CRACR2A: variants seen among roughly 807,000 people sequenced by gnomAD.
CRACR2A encodes the protein calcium release activated channel regulator 2A, also known as EF-hand calcium-binding domain-containing protein 4B.
A neutral mutation model predicts 90.5 loss-of-function variants in CRACR2A; 79 were observed. The observed-to-expected ratio is 0.87, with a 90% CI of 0.73 to 1.05. The LOEUF is 1.05. Among genes scored for constraint, CRACR2A ranks in the 50% least tolerant of loss-of-function variants. The pLI is 0.00. For missense variants in CRACR2A, 823 were observed against 897.2 expected (o/e 0.92, Z 1.06); for synonymous variants, 338 against 356.7 (o/e 0.95, Z 0.59).
chr12:3,625,622 G>A (rs775003128), intron 17 of CRACR2A, among the ~76,000 whole-genome samples: 4 of 147,316 alleles, frequency 2.7e-5, no homozygotes, highest in Non-Finnish European at 6.0e-5. Flanking sequence ...CATACTAGAT[G>A]GGAGATTTTC....
intron 4 of CRACR2A, among the ~76,000 whole-genome samples, chr12:3,685,397 G>T (rs986321088): frequency 6.6e-6 from 1 of 152,102 alleles, no homozygotes; most frequent in African/African-American, 2.4e-5. Context: ...ACACACCAAA[G>T]AATAAAAAGC....
Position 3,624,539 on chromosome 12 carries a change from T to G in CRACR2A, c.1932+2897A>C, listed in dbSNP as rs1387920575. On this transcript the variant is annotated intron_variant, in intron 17 of 19. Coordinates refer to ENST00000440314, the MANE Select transcript of CRACR2A (RefSeq NM_001144958.2). Reference sequence around the variant, plus strand: ...ACCGTTCCACACCTTCAACACACACTCTGCCATTTGACACAGCCTCCTGCA... The same window carrying G: ...ACCGTTCCACACCTTCAACACACACGCTGCCATTTGACACAGCCTCCTGCA... Among the ~76,000 whole-genome samples the G allele has an allele frequency of 4.6e-5, 7 of 152,184 alleles. No individual in the cohort carries two copies. In the East Asian group the frequency reaches 1.3e-3, roughly 29 times the overall value.
At chr12:3,628,062 CCTCCCTCT>C (rs1298701086) in intron 15 of CRACR2A, among the ~76,000 whole-genome samples, 9 of 131,618 alleles carry the variant, frequency 6.8e-5, no homozygotes, top group African/African-American at 1.7e-4. Context: ...TCTCTCTTTC[CCTCCCTCT>C]CTCCCTCTCT....
chr12:3,664,669 T>C (rs1280887445), intron 7 of CRACR2A, among the ~76,000 whole-genome samples: 2 of 152,198 alleles, frequency 1.3e-5, no homozygotes, highest in Admixed American at 6.5e-5. Context: ...ATTAGTGACA[T>C]GTAGGCATAG....
At chr12:3,744,091 A>C (rs1591726842) in intron 1 of CRACR2A, among the ~76,000 whole-genome samples, 1 of 152,328 alleles carries the variant, frequency 6.6e-6, no homozygotes, top group Admixed American at 6.5e-5. Context: ...GATCATGACC[A>C]AGAACAGGAG....
chr12:3,744,376 G>C (rs1000866707), intron 1 of CRACR2A, among the ~76,000 whole-genome samples: 2 of 152,200 alleles, frequency 1.3e-5, no homozygotes, highest in Non-Finnish European at 2.9e-5. Flanking sequence ...GCAGATGCTA[G>C]AAACCTTCTC....
In CRACR2A at chr12:3,630,847, C is replaced by T. The variant is rs1379355569; in HGVS notation, c.1735+2757G>A. Among the ~76,000 whole-genome samples, 41 of 152,238 alleles carry T rather than the reference C, an allele frequency of 2.7e-4. 1 individual carries two copies. The highest frequency in any genetic ancestry group is 4.4e-5 in the Non-Finnish European group (3 of 68,048). On this transcript the variant is annotated intron_variant, in intron 15 of 19. Transcript: ENST00000440314. The stretch of plus-strand genomic sequence containing the variant: ...TTGCACTGGAGCAACTGGCATTTCA[C>T]ACAAGCCACTGGTGCAGTACAAAAC...
intron 1 of CRACR2A, among the ~76,000 whole-genome samples, chr12:3,733,936 A>G (rs1345442241): frequency 6.8e-6 from 1 of 147,172 alleles, no homozygotes; most frequent in Non-Finnish European, 1.5e-5. Flanking sequence ...TTTTCTTGGT[A>G]TTCAGTCCTT....
At chr12:3,679,915 G>T (rs140594640) in intron 5 of CRACR2A, among the ~76,000 whole-genome samples, 79 of 152,296 alleles carry the variant, frequency 5.2e-4, no homozygotes, top group African/African-American at 1.8e-3. Flanking sequence ...AAAAGGAGAG[G>T]CTGCAAATCT....
intron 8 of CRACR2A, among the ~76,000 whole-genome samples, chr12:3,656,909 C>G (rs1312819154): frequency 3.3e-5 from 5 of 152,226 alleles, no homozygotes; most frequent in African/African-American, 1.2e-4. Context: ...TCCTCTTCCT[C>G]TTGAGGGTCT....
chr12:3,639,014 CA>C (rs11330573), intron 13 of CRACR2A, among the ~76,000 whole-genome samples: 5,007 of 152,270 alleles, frequency 0.033, 106 homozygotes, highest in African/African-American at 0.054. Context: ...GCTCTATTCC[CA>C]AATAAGTCAA....
chr12:3,624,426 C>G (rs905115858), intron 17 of CRACR2A, among the ~76,000 whole-genome samples: 2 of 152,254 alleles, frequency 1.3e-5, no homozygotes, highest in African/African-American at 4.8e-5. Context: ...AAGTTTTAAT[C>G]TATCACCTGA....
rs752884097 is a variant in CRACR2A at position 3,713,735 on chromosome 12, T to C, written c.-117-418A>G. ...ACCTTTGAAGATAGCGATGTAAGCA[T>C]TGTGGCAAGAATCACTGCCTTCCCT... On this transcript the variant is annotated intron_variant, in intron 2 of 19. Coordinates refer to ENST00000440314, the MANE Select transcript of CRACR2A (RefSeq NM_001144958.2). Among the ~76,000 whole-genome samples, 17 of 152,260 alleles carry C rather than the reference T, an allele frequency of 1.1e-4. No individual in the cohort carries two copies. The East Asian group carries it at 1.9e-3, about 17-fold the overall frequency.
chr12:3,623,151 G>A (rs184620808), intron 17 of CRACR2A, among the ~76,000 whole-genome samples: 1 of 152,308 alleles, frequency 6.6e-6, no homozygotes, highest in East Asian at 1.9e-4. Flanking sequence ...GTGCAGTGTG[G>A]CAAAGCCCTC....
At chr12:3,678,650 G>A (rs111536170) in intron 6 of CRACR2A, among the ~76,000 whole-genome samples, 67 of 152,208 alleles carry the variant, frequency 4.4e-4, no homozygotes, top group African/African-American at 1.4e-3. Context: ...CCAGGAGTGA[G>A]GAAGGTAGAG....
intron 2 of CRACR2A, chr12:3,731,258 A>C (rs1306536121): frequency 6.6e-6 from 1 of 152,326 alleles, no homozygotes; most frequent in Non-Finnish European, 1.5e-5. Context: ...ACTTCCCGGG[A>C]AACTGAGGAG....
At position 3,648,488 on chromosome 12, in the gene CRACR2A, G is replaced by A. The variant is rs140018162; in HGVS notation, c.1118+54C>T. 352 of 1,613,280 alleles carry A rather than the reference G, an allele frequency of 2.2e-4. 3 individuals carry two copies. In the African/African-American group the frequency reaches 4.2e-3, roughly 19 times the overall value. On this transcript the variant is annotated intron_variant, in intron 11 of 19. Coordinates refer to ENST00000440314, the MANE Select transcript of CRACR2A (RefSeq NM_001144958.2). ...GGATGACCCTCAGACTGGTCCTTCC[G>A]ACCCCAGGCTTCTGGGAGGTGCTCT...
At chr12:3,716,954 A>G (rs556560329) in intron 2 of CRACR2A, among the ~76,000 whole-genome samples, 7 of 152,194 alleles carry the variant, frequency 4.6e-5, no homozygotes, top group African/African-American at 1.4e-4. Context: ...TTTTCCATGA[A>G]CTTTTGGAAG....
At position 3,734,620 on chromosome 12, in the gene CRACR2A, G is replaced by GGT. The variant is rs1210465748; in HGVS notation, c.-386-1412_-386-1411dup. On this transcript the variant is annotated intron_variant, in intron 1 of 19. Transcript: ENST00000440314. ...AGACGAATGGATAAAGAAACTGTGA[G>GGT]GTGTGTGTATGTGTGTGTGTGTGTG... Among the ~76,000 whole-genome samples the GGT allele has an allele frequency of 1.1e-4, 11 of 97,762 alleles. No individual in the cohort carries two copies. In the South Asian group the frequency reaches 1.2e-3, roughly 11 times the overall value. The allele number at this position is 97,762 out of a possible 152,430, so 64.1% of individuals were successfully genotyped here.
Sources: allele counts gnomAD v4.1 joint callset (sites outside exome capture counted in the v4.1 genomes callset), GRCh38; gene constraint gnomAD v4.1.1; transcripts MANE v1.5; gene names NCBI Gene and HGNC (gene_info 2026-07-23, HGNC 2026-07-21).